The following GSDMC variants were observed in gnomAD, a reference collection of about 807,000 sequenced individuals.
The protein encoded by GSDMC is gasdermin-C.
Under a neutral mutation model 58.0 loss-of-function variants are expected in GSDMC, and 59 were observed. That is an observed-to-expected ratio of 1.02 (90% CI 0.82 to 1.26). The LOEUF is 1.26. GSDMC is among the 50% of genes most tolerant of loss of function. The probability of loss-of-function intolerance (pLI) is 0.00; values close to 1 mark genes in which losing one functional copy is unlikely to be tolerated. For missense variants in GSDMC, 659 were observed against 598.5 expected (o/e 1.10, Z -1.06); for synonymous variants, 241 against 220.2 (o/e 1.09, Z -0.83).
chr8:129,750,689 T>G, intron 10 of GSDMC, 119 bp from the exon 11 acceptor site: 1 of 947,954 alleles, frequency 1.1e-6, no homozygotes, highest in Non-Finnish European at 1.6e-6. Context: ...TTTCAGCTGC[T>G]AACCAAAATT....
chr8:129,751,925 G>T, intron 8 of GSDMC, 34 bp from the exon 9 acceptor site: 2 of 1,601,120 alleles, frequency 1.2e-6, no homozygotes, highest in Non-Finnish European at 1.7e-6. Flanking sequence ...CACCAAAGAG[G>T]CTCAAAGACT....
chr8:129,706,407 T>C, the GSDMC span: 2 of 152,208 alleles, frequency 1.3e-5, no homozygotes, highest in East Asian at 3.8e-4. Context: ...TTTAAAGTCA[T>C]AACCTTGGCT....
intron 1 of GSDMC, among the ~76,000 whole-genome samples, chr8:129,781,127 A>C (rs959911361): frequency 6.6e-6 from 1 of 152,222 alleles, no homozygotes; most frequent in Non-Finnish European, 1.5e-5. Context: ...AAGAAACAGA[A>C]GATCACAAAA....
chr8:129,706,011 G>A, the GSDMC span, among the ~76,000 whole-genome samples: 1 of 151,938 alleles, frequency 6.6e-6, no homozygotes, highest in Admixed American at 6.6e-5. Flanking sequence ...GGAAATTATA[G>A]GGAAATAATA....
At chr8:129,738,770 G>A in the GSDMC span, among the ~76,000 whole-genome samples, 1 of 152,028 alleles carries the variant, frequency 6.6e-6, no homozygotes, top group Non-Finnish European at 1.5e-5. Context: ...AAACCTGCAC[G>A]TTGTGCACTT....
At chr8:129,749,858 G>C (rs2130324646) in intron 12 of GSDMC, 132 bp downstream of exon 12, 1 of 719,520 alleles carries the variant, frequency 1.4e-6, no homozygotes, top group South Asian at 2.0e-5. Flanking sequence ...TGACCTTAGA[G>C]AGAGCTGTGA....
the GSDMC span, among the ~76,000 whole-genome samples, chr8:129,740,428 G>A: frequency 1.3e-5 from 2 of 152,176 alleles, no homozygotes; most frequent in African/African-American, 4.8e-5. Context: ...CTTTATACAG[G>A]TGTACCATTT....
At chr8:129,735,823 A>C in the GSDMC span, among the ~76,000 whole-genome samples, 5 of 152,232 alleles carry the variant, frequency 3.3e-5, no homozygotes, top group Non-Finnish European at 7.3e-5. Flanking sequence ...GAACTAAAGG[A>C]GATAGAGACA....
the GSDMC span, chr8:129,723,102 G>A: frequency 1.1e-4 from 16 of 152,170 alleles, no homozygotes; most frequent in African/African-American, 3.9e-4. Flanking sequence ...AGCCAACCAT[G>A]AGTAAAACTA....
rs760493267 is a variant in GSDMC, at chr8:129,749,996, T to C, written c.1207A>G (p.Ile403Val). 9.4e-6 allele frequency: 15 copies of C among 1,593,896 alleles called. No individual in the cohort carries two copies. The South Asian group carries it at 1.2e-4, about 12-fold the overall frequency. Residue 403 changes from isoleucine to valine, a missense_variant, in exon 12 of 14, where the codon ATA becomes GTA. Physicochemically the swap from Ile to Val is conservative, Grantham distance 29 (BLOSUM62 3). Transcript: ENST00000276708. ...KDPILYLLEA[I>V]MVLSDFQHDL... is the part of the protein sequence containing the mutation. ...TCCCTTTAATTACTCTTACCCATTA[T>C]GGCTTCAAGGAGATAAAGAATGGGG...
the GSDMC span, chr8:129,729,891 G>A: frequency 1.7e-6 from 2 of 1,151,346 alleles, 1 homozygote. Flanking sequence ...CCAACCTACT[G>A]AGATTAATCT....
chr8:129,753,501 A>G (rs1241467899), intron 6 of GSDMC, among the ~76,000 whole-genome samples: 3 of 152,226 alleles, frequency 2.0e-5, no homozygotes, highest in Non-Finnish European at 1.5e-5. Flanking sequence ...AGCAGTACCC[A>G]GGTGGTATGT....
chr8:129,775,459 A>C (rs1036124120), intron 3 of GSDMC, among the ~76,000 whole-genome samples: 1 of 152,182 alleles, frequency 6.6e-6, no homozygotes, highest in Non-Finnish European at 1.5e-5. Context: ...ATAATTAACA[A>C]TACTACATTG....
intron 1 of GSDMC, among the ~76,000 whole-genome samples, chr8:129,783,941 A>G (rs2034486475): frequency 6.6e-6 from 1 of 152,158 alleles, no homozygotes; most frequent in African/African-American, 2.4e-5. Context: ...AAATCCATAT[A>G]CCTACAGTGA....
chr8:129,714,195 C>T, the GSDMC span, among the ~76,000 whole-genome samples: 1 of 152,126 alleles, frequency 6.6e-6, no homozygotes, highest in Non-Finnish European at 1.5e-5. Flanking sequence ...CCATCAAAGC[C>T]CACTCTCAGG....
rs148784220 is a variant in GSDMC at position 129,766,675 on chromosome 8, G to A, written c.405-882C>T. Among the ~76,000 whole-genome samples the A allele has an allele frequency of 3.6e-3, 549 of 152,124 alleles. 1 individual carries two copies. Among genetic ancestry groups the A allele is most frequent in the Non-Finnish European group, 4.6e-3 (312 of 67,984 alleles). ...CCCTTATCCTGAAAACACCAAGCTC[G>A]GTGTTTCACCCTTCATTAGAAGGGT... On this transcript the variant is annotated intron_variant, in intron 3 of 13. Coordinates refer to ENST00000276708, the MANE Select transcript of GSDMC (RefSeq NM_031415.3).
At chr8:129,752,601 G>T in intron 7 of GSDMC, 97 bp downstream of exon 7, 2 of 1,514,226 alleles carry the variant, frequency 1.3e-6, no homozygotes, top group Non-Finnish European at 1.8e-6. Flanking sequence ...AAGCCTACAT[G>T]GTTCATACAC....
the GSDMC span, among the ~76,000 whole-genome samples, chr8:129,742,804 A>G: frequency 6.6e-6 from 1 of 152,160 alleles, no homozygotes; most frequent in African/African-American, 2.4e-5. Context: ...TGGGTTTTTT[A>G]GTTGTTTCCA....
intron 5 of GSDMC, among the ~76,000 whole-genome samples, chr8:129,761,804 G>C (rs1264331926): frequency 6.6e-6 from 1 of 152,116 alleles, no homozygotes; most frequent in East Asian, 1.9e-4. Flanking sequence ...TCCTCTAACT[G>C]AAAGACTGGA....
Sources: gnomAD v4.1 joint callset for allele counts (sites outside exome capture counted in the v4.1 genomes callset) on GRCh38, gnomAD v4.1.1 for gene constraint, MANE v1.5 for transcripts, NCBI Gene and HGNC (gene_info 2026-07-23, HGNC 2026-07-21) for gene names.